The following OVGP1 variants were observed in gnomAD, a reference collection of about 807,000 sequenced individuals.
The protein encoded by OVGP1 is oviductal glycoprotein 1.
In OVGP1, 26 loss-of-function variants were observed where a neutral mutation model predicts 48.2. The ratio of observed to expected loss-of-function variants is 0.54; its 90% CI spans 0.40 to 0.75. OVGP1 has a LOEUF of 0.75. Ranked by LOEUF, OVGP1 falls within the 30% of genes least tolerant of loss-of-function variation. The pLI is 0.00. For synonymous variants in OVGP1, 294 were observed against 305.7 expected, an observed-to-expected ratio of 0.96 and a Z score of 0.40; for missense variants, 791 against 820.6, an observed-to-expected ratio of 0.96 and a Z score of 0.44.
intron 4 of OVGP1, among the ~76,000 whole-genome samples, chr1:111,424,026 G>A (rs1166181150): frequency 6.6e-6 from 1 of 152,222 alleles, no homozygotes; most frequent in Non-Finnish European, 1.5e-5. Context: ...GTCCAGCTCT[G>A]CCCCCAAAAC....
chr1:111,426,897 C>T (rs764574050), intron 2 of OVGP1, 165 bp downstream of exon 2: 21 of 1,546,196 alleles, frequency 1.4e-5, no homozygotes, highest in Admixed American at 2.0e-5. Context: ...ACACAGTCAG[C>T]GACACAAACA....
At chr1:111,426,693 G>A in intron 2 of OVGP1, 52 bp from the exon 3 acceptor site, 1 of 1,582,898 alleles carries the variant, frequency 6.3e-7, no homozygotes, top group Non-Finnish European at 8.6e-7. Context: ...AGGGGATGGA[G>A]CTCAGCTTCC....
rs1166041071 is a variant in OVGP1, at chr1:111,415,316, A to C, written c.1185T>G (p.Phe395Leu). 6.2e-7 allele frequency: 1 copy of C among 1,611,654 alleles called. No individual in the cohort carries two copies. The highest frequency in any genetic ancestry group is 2.2e-5 in the East Asian group (1 of 44,828). The stretch of plus-strand genomic sequence containing the variant: ...AAGAATTCACAGCAGATGACAGCCA[A>C]AATTGTGGTAAAGAAGTTGAACTGA... ...AEFSSTSLPQ[F>L]WLSSAVNSSS... Residue 395 changes from phenylalanine to leucine, a missense_variant, in exon 11 of 11, where the codon TTT becomes TTG. Physicochemically the swap from Phe to Leu is conservative, Grantham distance 22. Coordinates refer to ENST00000369732, the MANE Select transcript of OVGP1 (RefSeq NM_002557.4).
rs149574012 is a variant in OVGP1 at position 111,415,140 on chromosome 1, G to C, written c.1361C>G (p.Thr454Arg). 4.3e-6 allele frequency: 7 copies of C among 1,614,018 alleles called. No homozygotes were observed. Among genetic ancestry groups the C allele is most frequent in the Admixed American group, 1.7e-5 (1 of 60,000 alleles). ...CTTTCCAAGGGATACAGTTTCCTTTGTAGGGGTCACAGTTGTACCTCTAGG... is the reference window on the plus strand; with the variant it reads ...CTTTCCAAGGGATACAGTTTCCTTTCTAGGGGTCACAGTTGTACCTCTAGG... Reference protein sequence around the residue: ...ITPRGTTVTPTKETVSLGKHT... With the variant: ...ITPRGTTVTPRKETVSLGKHT... Residue 454 changes from threonine to arginine, a missense_variant, in exon 11 of 11, where the codon ACA becomes AGA. Thr to Arg is a moderately conservative substitution (Grantham distance 71, BLOSUM62 -1). Coordinates refer to ENST00000369732, the MANE Select transcript of OVGP1 (RefSeq NM_002557.4).
chr1:111,414,941 C>A lies in OVGP1; in HGVS notation c.1560G>T (p.Gly520=). The change falls in exon 11 of 11, where the codon GGG becomes GGT. Residue 520 remains glycine (G), a synonymous_variant. Transcript: ENST00000369732. ...TSVGYQSVTP[G]EKTLTPVGHQ... ...GACCCACAGGGGTCAGGGTCTTTTC[C>A]CCAGGGGTCACAGACTGATAACCCA... The A allele has an allele frequency of 1.2e-6, 1 of 803,094 alleles. No homozygotes were observed. The highest frequency in any genetic ancestry group is 1.8e-6 in the Non-Finnish European group (1 of 548,672). The allele number at this position is 803,094 out of a possible 1,614,324, so 49.7% of individuals were successfully genotyped here.
rs770885469 is a variant in OVGP1 at position 111,426,468 on chromosome 1, G to A, written c.229C>T (p.Leu77Phe). ...TTTAGTTTGTTGAACTCTGGGTAGAGAATTTTCTCATCCTGGAGATCCTTA... is the reference window on the plus strand; with the variant it reads ...TTTAGTTTGTTGAACTCTGGGTAGAAAATTTTCTCATCCTGGAGATCCTTA... ...VAKDLQDEKI[L>F]YPEFNKLKER... The change falls in exon 3 of 11, where the codon CTC (leucine) becomes TTC (phenylalanine). Residue 77 changes from leucine (L) to phenylalanine (F), a missense_variant. Physicochemically the swap from Leu to Phe is conservative, Grantham distance 22 (BLOSUM62 0). Coordinates refer to ENST00000369732, the MANE Select transcript of OVGP1 (RefSeq NM_002557.4). The A allele has an allele frequency of 6.2e-7, 1 of 1,614,128 alleles. No individual in the cohort carries two copies. Among genetic ancestry groups the A allele is most frequent in the Admixed American group, 1.7e-5 (1 of 60,024 alleles).
intron 6 of OVGP1, 142 bp downstream of exon 6, chr1:111,422,785 T>C: frequency 1.1e-6 from 1 of 901,864 alleles, no homozygotes; most frequent in Non-Finnish European, 1.7e-6. Flanking sequence ...CCCATGCTCC[T>C]CAGTCCAGCC....
At chr1:111,427,635 C>T (rs557893726) in intron 1 of OVGP1, 62 bp downstream of exon 1, 90 of 1,588,982 alleles carry the variant, frequency 5.7e-5, no homozygotes, top group Middle Eastern at 2.0e-4. Flanking sequence ...AGAGAGATGA[C>T]GAACTCATAA....
In OVGP1 at chr1:111,421,654, CA is replaced by C. The variant is rs1332326023; in HGVS notation, c.627del (p.Asn209LysfsTer35). The C allele has an allele frequency of 6.2e-7, 1 of 1,609,372 alleles. No individual in the cohort carries two copies. Among genetic ancestry groups the C allele is most frequent in the Non-Finnish European group, 8.5e-7 (1 of 1,175,746 alleles). ...CTTCCATGTAAGTCATAAGACAAGA[CA>C]TTGATGAAATCCAGGAGTCTGTAAG... Reference protein sequence around the residue: ...RFLGRLLDFINVLSYDLHGSW... With the variant: ...RFLGRLLDFIXVLSYDLHGSW... On this transcript the variant is annotated frameshift_variant, in exon 7 of 11. Coordinates refer to ENST00000369732, the MANE Select transcript of OVGP1 (RefSeq NM_002557.4). LOFTEE classifies it high-confidence loss of function.
chr1:111,423,830 G>T, intron 4 of OVGP1, 122 bp from the exon 5 acceptor site: 2 of 927,424 alleles, frequency 2.2e-6, no homozygotes, highest in Non-Finnish European at 3.3e-6. Context: ...GGAAAGGAAG[G>T]CAGATTTCCA....
intron 5 of OVGP1, 101 bp from the exon 6 acceptor site, chr1:111,423,152 G>A: frequency 1.4e-6 from 2 of 1,466,206 alleles, no homozygotes; most frequent in Non-Finnish European, 1.9e-6. Flanking sequence ...CCTGAGCCAG[G>A]CTCTGGGACA....
At position 111,414,887 on chromosome 1, in the gene OVGP1, C is replaced by T. The variant is rs1652084235; in HGVS notation, c.1614G>A (p.Gln538=). Residue 538 remains glutamine (Q), a synonymous_variant, in exon 11 of 11, where the codon CAG becomes CAA. Transcript: ENST00000369732. Reference sequence around the variant, plus strand: ...TAGTCGTTCCTCCAGGGCTCACAGACTGATGACTCACAGGGGTCACAGACT... The same window carrying T: ...TAGTCGTTCCTCCAGGGCTCACAGATTGATGACTCACAGGGGTCACAGACT... The part of the protein sequence containing the change: ...GHQSVTPVSH[Q]SVSPGGTTMT... 1 of 753,736 alleles carries T rather than the reference C, an allele frequency of 1.3e-6. No homozygotes were observed. Among genetic ancestry groups the T allele is most frequent in the South Asian group, 2.4e-5 (1 of 41,964 alleles). The allele number at this position is 753,736 out of a possible 1,614,324, so 46.7% of individuals were successfully genotyped here. A position where few individuals can be genotyped will look rare whatever the true frequency, so the allele number is the denominator to read the frequency against.
chr1:111,416,025 A>G (rs1406653143), intron 10 of OVGP1, among the ~76,000 whole-genome samples: 1 of 152,242 alleles, frequency 6.6e-6, no homozygotes, highest in Non-Finnish European at 1.5e-5. Context: ...AGAGAAATAA[A>G]TAACATATAT....
chr1:111,421,399 G>C lies in OVGP1; in HGVS notation c.780C>G (p.Ile260Met). 6.2e-7 allele frequency: 1 copy of C among 1,613,984 alleles called. No homozygotes were observed. The highest frequency in any genetic ancestry group is 1.7e-4 in the Middle Eastern group (1 of 6,060). Residue 260 changes from isoleucine (I) to methionine (M), a missense_variant, in exon 8 of 11, where the codon ATC becomes ATG. Coordinates refer to ENST00000369732, the MANE Select transcript of OVGP1 (RefSeq NM_002557.4). Reference protein sequence around the residue: ...GAPSEKLIMGIPTYGRTFRLL... With the variant: ...GAPSEKLIMGMPTYGRTFRLL... ...GGCGAAAGGTACGTCCATAGGTGGG[G>C]ATCCCCATGATGAGCTTCTCTGAGG...
chr1:111,419,765 A>G lies in OVGP1; in HGVS notation c.904-39T>C, dbSNP rs771866367. On this transcript the variant is annotated intron_variant, in intron 8 of 10. Transcript: ENST00000369732. The stretch of plus-strand genomic sequence containing the variant: ...CACCAGGTTAGTTCTGGGAAGTGCC[A>G]TGGAGATAAGCACCAAGAGACAGTT... The G allele has an allele frequency of 3.3e-6, 4 of 1,212,590 alleles. No homozygotes were observed. The African/African-American group carries it at 4.4e-5, about 13-fold the overall frequency. 75.1% of individuals were successfully genotyped at this position (1,212,590 alleles called of 1,614,324 possible).
chr1:111,427,344 C>G lies in OVGP1; in HGVS notation c.26-253G>C, dbSNP rs372087917. ...CTCATGCTTTGCCCAGGGACAATGA[C>G]AAGTGTTAGAAGTCCCAGAAAAAGC... On this transcript the variant is annotated intron_variant, in intron 1 of 10. Coordinates refer to ENST00000369732, the MANE Select transcript of OVGP1 (RefSeq NM_002557.4). 10 of 985,264 alleles carry G rather than the reference C, an allele frequency of 1.0e-5. No homozygotes were observed. In the African/African-American group the frequency reaches 1.7e-4, roughly 17 times the overall value. 61.0% of individuals were successfully genotyped at this position (985,264 alleles called of 1,614,324 possible).
intron 8 of OVGP1, among the ~76,000 whole-genome samples, chr1:111,420,701 C>G (rs1323290952): frequency 6.6e-6 from 1 of 152,226 alleles, no homozygotes; most frequent in African/African-American, 2.4e-5. Flanking sequence ...AAACATGTCT[C>G]TTTCCGCCAC....
Position 111,427,728 on chromosome 1 carries a change from G to T in OVGP1, c.-7C>A, listed in dbSNP as rs1652432581. On this transcript the variant is annotated 5_prime_UTR_variant, in exon 1 of 11. Coordinates refer to ENST00000369732, the MANE Select transcript of OVGP1 (RefSeq NM_002557.4). ...ACAGCAACAGCTTCCACATCTCAAT[G>T]GTCTGATAGCTGTGAGTCCAGAGAT... The T allele has an allele frequency of 6.3e-7, 1 of 1,598,794 alleles. No homozygotes were observed. The highest frequency in any genetic ancestry group is 8.5e-7 in the Non-Finnish European group (1 of 1,171,070).
At chr1:111,424,193 T>C (rs796301139) in intron 4 of OVGP1, among the ~76,000 whole-genome samples, 4 of 152,360 alleles carry the variant, frequency 2.6e-5, no homozygotes, top group African/African-American at 9.6e-5. Context: ...GAAACATCTA[T>C]GAGTTAATCT....
Sources: allele counts gnomAD v4.1 joint callset (sites outside exome capture counted in the v4.1 genomes callset), GRCh38; gene constraint gnomAD v4.1.1; transcripts MANE v1.5; gene names NCBI Gene and HGNC (gene_info 2026-07-23, HGNC 2026-07-21).